Variants in ZNF793 observed in about 807,000 individuals in gnomAD.
ZNF793 encodes the protein zinc finger protein 793.
In ZNF793, 5 loss-of-function variants were observed where a neutral mutation model predicts 12.4. The observed-to-expected ratio is 0.40, with a 90% CI of 0.21 to 0.84. The LOEUF (loss-of-function observed/expected upper bound fraction) is 0.84. ZNF793 is among the 40% of genes least tolerant of loss of function. The pLI is 0.35. For missense variants in ZNF793, 456 were observed against 495.0 expected (o/e 0.92, Z 0.75); for synonymous variants, 162 against 172.4 (o/e 0.94, Z 0.47).
intron 2 of ZNF793, among the ~76,000 whole-genome samples, chr19:37,515,522 A>C (rs545589553): frequency 1.4e-3 from 220 of 152,148 alleles, no homozygotes; most frequent in African/African-American, 5.2e-3. Flanking sequence ...GTTAGCCAGG[A>C]TGGTCTCAAT....
At chr19:37,517,570 C>A (rs956441886) in intron 2 of ZNF793, among the ~76,000 whole-genome samples, 1 of 152,122 alleles carries the variant, frequency 6.6e-6, no homozygotes, top group African/African-American at 2.4e-5. Context: ...GCGCCACAGC[C>A]AGGCTAGTCG....
intron 1 of ZNF793, among the ~76,000 whole-genome samples, chr19:37,507,555 A>G (rs941627387): frequency 6.6e-6 from 1 of 152,190 alleles, no homozygotes; most frequent in Non-Finnish European, 1.5e-5. Flanking sequence ...GACTTACTTC[A>G]TATCATCGGT....
At chr19:37,507,546 A>G (rs1008794041) in intron 1 of ZNF793, among the ~76,000 whole-genome samples, 7 of 152,278 alleles carry the variant, frequency 4.6e-5, no homozygotes, top group Non-Finnish European at 8.8e-5. Flanking sequence ...GGTGATTGAG[A>G]CTTACTTCAT....
intron 7 of ZNF793, chr19:37,536,000 C>T: frequency 6.5e-6 from 1 of 154,024 alleles, no homozygotes; most frequent in African/African-American, 2.4e-5. Context: ...TCACAGGAAC[C>T]ACTAATACCA....
rs1013083560 is a variant in ZNF793, at chr19:37,537,194, G to C, written c.536G>C (p.Gly179Ala). ...YGKLLQRINHGRRPNGEKPRG... is the reference protein window; with the variant it reads ...YGKLLQRINHARRPNGEKPRG... ...AAATTGCTTCAGCGTATAAATCATG[G>C]TAGACGACCTAATGGAGAAAAGCCC... The change falls in exon 8 of 8, where the codon GGT (glycine) becomes GCT (alanine). Residue 179 changes from glycine to alanine, a missense_variant. Transcript: ENST00000627814. The C allele has an allele frequency of 6.2e-7, 1 of 1,613,790 alleles. No homozygotes were observed. Among genetic ancestry groups the C allele is most frequent in the Admixed American group, 1.7e-5 (1 of 59,976 alleles).
rs759991989 is a variant in ZNF793 at position 37,537,612 on chromosome 19, A to T, written c.954A>T (p.Lys318Asn). The T allele has an allele frequency of 1.7e-5, 28 of 1,614,064 alleles. No homozygotes were observed. The South Asian group carries it at 3.0e-4, about 17-fold the overall frequency. Residue 318 changes from lysine (K) to asparagine (N), a missense_variant, in exon 8 of 8, where the codon AAA becomes AAT. Lys to Asn is a moderately conservative substitution (Grantham distance 94, BLOSUM62 0). Transcript: ENST00000627814. ...ERPFVCSECG[K>N]SFGEKSYLNV... The stretch of plus-strand genomic sequence containing the variant: ...CCTTTGTCTGCAGTGAATGCGGGAA[A>T]TCGTTTGGTGAGAAGTCATACCTCA...
At position 37,537,528 on chromosome 19, in the gene ZNF793, A is replaced by C. The variant is rs776998243; in HGVS notation, c.870A>C (p.Lys290Asn). The C allele has an allele frequency of 6.2e-7, 1 of 1,614,148 alleles. No individual in the cohort carries two copies. The highest frequency in any genetic ancestry group is 8.5e-7 in the Non-Finnish European group (1 of 1,180,004). ...CCTTTGAATGTTTTTTTTGTGGGAA[A>C]GCCTTTACCCAGAAGTCACACCGCA... ...VRPFECFFCG[K>N]AFTQKSHRTE... The change falls in exon 8 of 8, where the codon AAA (lysine) becomes AAC (asparagine). Residue 290 changes from lysine to asparagine, a missense_variant. Transcript: ENST00000627814.
intron 7 of ZNF793, chr19:37,535,288 A>G (rs1462041565): frequency 6.6e-6 from 1 of 152,164 alleles, no homozygotes; most frequent in South Asian, 2.1e-4. Flanking sequence ...CACTGCACCC[A>G]GCCCCACTTT....
chr19:37,521,323 A>G (rs535280534), intron 3 of ZNF793, among the ~76,000 whole-genome samples: 22 of 148,368 alleles, frequency 1.5e-4, no homozygotes, highest in African/African-American at 4.5e-4. Flanking sequence ...GAGTTTCACC[A>G]TGTTGACCAG....
At chr19:37,507,498 A>G (rs2042259543) in intron 1 of ZNF793, among the ~76,000 whole-genome samples, 2 of 152,200 alleles carry the variant, frequency 1.3e-5, no homozygotes, top group Non-Finnish European at 2.9e-5. Flanking sequence ...GAGGGAGGTC[A>G]GTGGTGATGA....
chr19:37,537,335 C>T lies in ZNF793; in HGVS notation c.677C>T (p.Pro226Leu). Residue 226 changes from proline to leucine, a missense_variant, in exon 8 of 8, where the codon CCC becomes CTC. Transcript: ENST00000627814. The stretch of plus-strand genomic sequence containing the variant: ...AAGAGGGTTCCACCTACAGAAAAAC[C>T]CCACGTCTGTAGTGAGTGTGGGAAA... Reference protein sequence around the residue: ...KRKRVPPTEKPHVCSECGKAF... With the variant: ...KRKRVPPTEKLHVCSECGKAF... 1 of 1,613,422 alleles carries T rather than the reference C, an allele frequency of 6.2e-7. No individual in the cohort carries two copies. The highest frequency in any genetic ancestry group is 8.5e-7 in the Non-Finnish European group (1 of 1,179,690).
intron 5 of ZNF793, among the ~76,000 whole-genome samples, chr19:37,525,142 T>C (rs1017002538): frequency 8.2e-5 from 12 of 146,846 alleles, no homozygotes; most frequent in Admixed American, 1.4e-4. Flanking sequence ...TTTTCTCTCT[T>C]TTTTTTTTTT....
At position 37,543,225 on chromosome 19, in the gene ZNF793, G is replaced by A. The variant is rs1568330420; in HGVS notation, c.*5346G>A. On this transcript the variant is annotated 3_prime_UTR_variant, in exon 8 of 8. Coordinates refer to ENST00000627814, the MANE Select transcript of ZNF793 (RefSeq NM_001013659.3). ...GGTGTTAACATTCATTGGTTACCTT[G>A]GTGGAGAAGGGTAATAAGTTTTCTG... 1 of 152,212 alleles carries A rather than the reference G, an allele frequency of 6.6e-6. No homozygotes were observed. Among genetic ancestry groups the A allele is most frequent in the Non-Finnish European group, 1.5e-5 (1 of 68,052 alleles). The allele number at this position is 152,212 out of a possible 1,614,324, so 9.4% of individuals were successfully genotyped here.
chr19:37,522,385 A>AC (rs2042382914), intron 3 of ZNF793, 147 bp from the exon 4 acceptor site: 1 of 152,128 alleles, frequency 6.6e-6, no homozygotes, highest in Non-Finnish European at 1.5e-5. Flanking sequence ...TTTAGTAGAG[A>AC]TGGGGTTTCA....
chr19:37,513,198 C>T (rs1291705222), intron 2 of ZNF793, among the ~76,000 whole-genome samples: 1 of 152,108 alleles, frequency 6.6e-6, no homozygotes, highest in Non-Finnish European at 1.5e-5. Flanking sequence ...TATATTATTA[C>T]TAAGTATGTT....
Position 37,540,348 on chromosome 19 carries a change from A to G in ZNF793, c.*2469A>G, listed in dbSNP as rs1425991247. 6.6e-6 allele frequency: 1 copy of G among 151,598 alleles called. No homozygotes were observed. Among genetic ancestry groups the G allele is most frequent in the Non-Finnish European group, 1.5e-5 (1 of 67,908 alleles). 9.4% of individuals were successfully genotyped at this position (151,598 alleles called of 1,614,324 possible). ...AAAAATTATAGTTAAAATACTAGCA[A>G]ATAGAATTCAGCCATATACCCAAAG... On this transcript the variant is annotated 3_prime_UTR_variant, in exon 8 of 8. Transcript: ENST00000627814.
In ZNF793 at chr19:37,537,607, G is replaced by A. The variant is rs772705783; in HGVS notation, c.949G>A (p.Gly317Arg). ...GAGACCCTTTGTCTGCAGTGAATGC[G>A]GGAAATCGTTTGGTGAGAAGTCATA... ...GERPFVCSECGKSFGEKSYLN... is the reference protein window; with the variant it reads ...GERPFVCSECRKSFGEKSYLN... Residue 317 changes from glycine to arginine, a missense_variant, in exon 8 of 8, where the codon GGG (glycine) becomes AGG (arginine). Transcript: ENST00000627814. 2.8e-5 allele frequency: 46 copies of A among 1,614,122 alleles called. No individual in the cohort carries two copies. The highest frequency in any genetic ancestry group is 3.8e-5 in the Non-Finnish European group (45 of 1,180,028).
intron 5 of ZNF793, among the ~76,000 whole-genome samples, chr19:37,529,457 A>AT (rs563610264): frequency 3.4e-4 from 49 of 145,048 alleles, no homozygotes; most frequent in South Asian, 6.6e-4. Flanking sequence ...TGTAGGCAGC[A>AT]TTTTTTTTTT....
At chr19:37,520,678 G>A (rs1420151458) in intron 3 of ZNF793, among the ~76,000 whole-genome samples, 2 of 152,096 alleles carry the variant, frequency 1.3e-5, no homozygotes, top group Non-Finnish European at 2.9e-5. Flanking sequence ...AGCCCATTGC[G>A]TTCTGCTATC....
Sources: gnomAD v4.1 joint callset for allele counts (sites outside exome capture counted in the v4.1 genomes callset) on GRCh38, gnomAD v4.1.1 for gene constraint, MANE v1.5 for transcripts, NCBI Gene and HGNC (gene_info 2026-07-23, HGNC 2026-07-21) for gene names.